Variants in UGGT2 observed in about 807,000 individuals in gnomAD.
The protein encoded by UGGT2 is UDP-glucose:glycoprotein glucosyltransferase 2.
In UGGT2, 180 loss-of-function variants were observed where a neutral mutation model predicts 192.1. That is an observed-to-expected ratio of 0.94 (90% CI 0.83 to 1.06). The LOEUF is 1.06. UGGT2 is among the 50% of genes least tolerant of loss of function. The pLI is 0.00. For missense variants in UGGT2, 1,849 were observed against 1,795.7 expected, an observed-to-expected ratio of 1.03 and a Z score of -0.54; for synonymous variants, 580 against 591.0, an observed-to-expected ratio of 0.98 and a Z score of 0.27.
intron 38 of UGGT2, among the ~76,000 whole-genome samples, chr13:95,830,708 A>G (rs901443464): frequency 2.0e-5 from 3 of 152,186 alleles, no homozygotes; most frequent in Non-Finnish European, 2.9e-5. Context: ...ACCATTGTGG[A>G]AGTCAGTGTG....
intron 20 of UGGT2, among the ~76,000 whole-genome samples, chr13:95,908,101 T>C (rs1402027089): frequency 6.6e-6 from 1 of 152,134 alleles, no homozygotes; most frequent in South Asian, 2.1e-4. Flanking sequence ...TCGTGACACA[T>C]GCACAAGCTT....
intron 36 of UGGT2, among the ~76,000 whole-genome samples, chr13:95,837,968 T>C (rs1887486784): frequency 6.6e-6 from 1 of 151,758 alleles, no homozygotes; most frequent in South Asian, 2.1e-4. Context: ...GCAAATGCAA[T>C]AAGACAAGAA....
At chr13:95,993,591 C>A (rs2051523278) in intron 7 of UGGT2, among the ~76,000 whole-genome samples, 1 of 151,996 alleles carries the variant, frequency 6.6e-6, no homozygotes. Context: ...TAGAATAAAA[C>A]CATTTTGTAA....
chr13:95,860,670 T>C (rs1890073199), intron 32 of UGGT2, 118 bp downstream of exon 32: 1 of 511,176 alleles, frequency 2.0e-6, no homozygotes, highest in Non-Finnish European at 3.3e-6. Context: ...GAACTGAGTA[T>C]CAAGGAAACA....
Position 95,947,099 on chromosome 13 carries a change from G to A in UGGT2, c.1615C>T (p.Arg539Ter), listed in dbSNP as rs367854277. ...GANDAGVALW[R>*]AFNYIAEEFD... The stretch of plus-strand genomic sequence containing the variant: ...TCTTCTGCAATATAGTTGAAAGCTC[G>A]CCAGAGAGCAACTCCAGCATCATTT... The change falls in exon 15 of 39, where the codon CGA becomes TGA. Residue 539 changes from arginine to a stop codon, truncating the protein, a stop_gained. Coordinates refer to ENST00000376747, the MANE Select transcript of UGGT2 (RefSeq NM_020121.4). LOFTEE classifies it high-confidence loss of function. 32 of 1,611,658 alleles carry A rather than the reference G, an allele frequency of 2.0e-5. No homozygotes were observed. The highest frequency in any genetic ancestry group is 2.0e-5 in the Non-Finnish European group (24 of 1,179,336).
In UGGT2 at chr13:95,832,740, A is replaced by G. The variant is rs761679923; in HGVS notation, c.4528+187T>C. 29 of 803,212 alleles carry G rather than the reference A, an allele frequency of 3.6e-5. No individual in the cohort carries two copies. In the Admixed American group the frequency reaches 5.1e-4, roughly 14 times the overall value. 49.8% of individuals were successfully genotyped at this position (803,212 alleles called of 1,614,324 possible). A position where few individuals can be genotyped will look rare whatever the true frequency, so the allele number is the denominator to read the frequency against. Reference sequence around the variant, plus strand: ...GAGCTGAAGCTGTATCCATGGGGAAACAGATTATCTATGTTTTAAACTTGT... The same window carrying G: ...GAGCTGAAGCTGTATCCATGGGGAAGCAGATTATCTATGTTTTAAACTTGT... On this transcript the variant is annotated intron_variant, in intron 38 of 38. Coordinates refer to ENST00000376747, the MANE Select transcript of UGGT2 (RefSeq NM_020121.4).
chr13:95,804,324 G>A (rs1301453284), intron 38 of UGGT2, among the ~76,000 whole-genome samples: 1 of 151,928 alleles, frequency 6.6e-6, no homozygotes, highest in Admixed American at 6.6e-5. Flanking sequence ...ACAAATAAAT[G>A]GAAAGACATT....
intron 30 of UGGT2, among the ~76,000 whole-genome samples, chr13:95,867,073 T>C (rs1890735057): frequency 6.6e-6 from 1 of 152,104 alleles, no homozygotes; most frequent in African/African-American, 2.4e-5. Context: ...AGAGTCCAAT[T>C]TGTAATGTTA....
At chr13:95,923,425 A>G (rs569045140) in intron 20 of UGGT2, among the ~76,000 whole-genome samples, 3 of 149,140 alleles carry the variant, frequency 2.0e-5, no homozygotes, top group South Asian at 2.1e-4. Context: ...CTGAAGTGCA[A>G]TGGTGTGATC....
chr13:95,898,445 C>T (rs537550518), intron 22 of UGGT2, among the ~76,000 whole-genome samples: 23 of 152,228 alleles, frequency 1.5e-4, no homozygotes, highest in African/African-American at 4.3e-4. Context: ...ACTCACCTCA[C>T]GTCCTTTGCA....
chr13:95,946,982 T>C, intron 15 of UGGT2, 55 bp downstream of exon 15: 3 of 1,455,100 alleles, frequency 2.1e-6, no homozygotes, highest in Non-Finnish European at 2.7e-6. Context: ...AATCATAATA[T>C]AGTAATGCAA....
At chr13:95,840,712 A>G (rs1887771033) in intron 36 of UGGT2, among the ~76,000 whole-genome samples, 1 of 152,202 alleles carries the variant, frequency 6.6e-6, no homozygotes, top group African/African-American at 2.4e-5. Flanking sequence ...TATATACCCA[A>G]AGGATGATAA....
In UGGT2 at chr13:96,035,663, G is replaced by A. The variant is rs533516153; in HGVS notation, c.159-3692C>T. Among the ~76,000 whole-genome samples the A allele has an allele frequency of 1.5e-4, 22 of 150,910 alleles. No individual in the cohort carries two copies. The East Asian group carries it at 3.8e-3, about 26-fold the overall frequency. ...GAAAATTTCTGCAATGTATCCATCT[G>A]ACAAAGGTCTAACATGCAAAGTCTA... is the stretch of plus-strand genomic sequence containing the variant. On this transcript the variant is annotated intron_variant, in intron 1 of 38. Coordinates refer to ENST00000376747, the MANE Select transcript of UGGT2 (RefSeq NM_020121.4).
At chr13:95,915,386 C>T (rs1331663633) in intron 20 of UGGT2, among the ~76,000 whole-genome samples, 1 of 152,184 alleles carries the variant, frequency 6.6e-6, no homozygotes, top group African/African-American at 2.4e-5. Context: ...ATGTCTATCA[C>T]TTATTGTCTG....
At chr13:95,953,182 T>C (rs968443921) in intron 12 of UGGT2, among the ~76,000 whole-genome samples, 17 of 152,336 alleles carry the variant, frequency 1.1e-4, no homozygotes, top group South Asian at 4.1e-4. Context: ...ATAAATGACA[T>C]TGTTACCATC....
intron 12 of UGGT2, among the ~76,000 whole-genome samples, chr13:95,969,452 T>C (rs1340125076): frequency 6.6e-6 from 1 of 152,074 alleles, no homozygotes; most frequent in Non-Finnish European, 1.5e-5. Flanking sequence ...TAAAAAACCA[T>C]CTGGATTGTT....
At chr13:96,035,601 C>T (rs1333727992) in intron 1 of UGGT2, among the ~76,000 whole-genome samples, 1 of 152,046 alleles carries the variant, frequency 6.6e-6, no homozygotes, top group Non-Finnish European at 1.5e-5. Context: ...ACAACAAAAA[C>T]TATCACCAGA....
At chr13:95,823,032 TTTCA>T (rs1213639552) in intron 38 of UGGT2, among the ~76,000 whole-genome samples, 1 of 152,164 alleles carries the variant, frequency 6.6e-6, no homozygotes, top group Non-Finnish European at 1.5e-5. Context: ...TCCATCTTGA[TTTCA>T]TTATTAATCC....
chr13:96,039,446 G>A (rs981001479), intron 1 of UGGT2, among the ~76,000 whole-genome samples: 2 of 152,098 alleles, frequency 1.3e-5, no homozygotes. Context: ...AAGCTTCTGG[G>A]GAGATGGTTG....
Sources: gnomAD v4.1 joint callset for allele counts (sites outside exome capture counted in the v4.1 genomes callset) on GRCh38, gnomAD v4.1.1 for gene constraint, MANE v1.5 for transcripts, NCBI Gene and HGNC (gene_info 2026-07-23, HGNC 2026-07-21) for gene names.